RGL1: variants seen among roughly 807,000 people sequenced by gnomAD.
The protein encoded by RGL1 is ral guanine nucleotide dissociation stimulator-like 1.
In RGL1, 24 loss-of-function variants were observed where a neutral mutation model predicts 95.2. The observed-to-expected ratio is 0.25, with a 90% CI of 0.18 to 0.35. The LOEUF is 0.35. RGL1 is among the 10% of genes least tolerant of loss of function. The probability of loss-of-function intolerance (pLI) is 1.00; values close to 1 mark genes in which losing one functional copy is unlikely to be tolerated. For missense variants in RGL1, 715 were observed against 936.3 expected, an observed-to-expected ratio of 0.76 and a Z score of 3.08; for synonymous variants, 329 against 344.9, an observed-to-expected ratio of 0.95 and a Z score of 0.51.
At chr1:183,654,263 A>T (rs1650981757) in intron 1 of RGL1, among the ~76,000 whole-genome samples, 1 of 152,018 alleles carries the variant, frequency 6.6e-6, no homozygotes, top group Non-Finnish European at 1.5e-5. Context: ...TTTCAGTTTC[A>T]TCTTCCTTGG....
At chr1:183,921,603 A>C (rs1436825504) in intron 16 of RGL1, among the ~76,000 whole-genome samples, 1 of 152,236 alleles carries the variant, frequency 6.6e-6, no homozygotes, top group Non-Finnish European at 1.5e-5. Context: ...TTATGAATAT[A>C]CTACGATTTA....
rs147068207 is a variant in RGL1 at position 183,843,880 on chromosome 1, G to A, written c.139-3686G>A. Among the ~76,000 whole-genome samples, 873 of 152,152 alleles carry A rather than the reference G, an allele frequency of 5.7e-3. 24 individuals are homozygous for A. The highest frequency in any genetic ancestry group is 0.048 in the Admixed American group (726 of 15,284). ...CTCGCTCTGTTGCCCAGGCTGGAGTGCAGTGGCACAATCTCCAGCCCACTG... is the reference window on the plus strand; with the variant it reads ...CTCGCTCTGTTGCCCAGGCTGGAGTACAGTGGCACAATCTCCAGCCCACTG... On this transcript the variant is annotated intron_variant, in intron 2 of 17. Coordinates refer to ENST00000360851, the MANE Select transcript of RGL1 (RefSeq NM_001297671.3).
intron 1 of RGL1, among the ~76,000 whole-genome samples, chr1:183,678,639 G>A (rs1193106251): frequency 6.7e-6 from 1 of 148,466 alleles, no homozygotes; most frequent in African/African-American, 2.5e-5. Context: ...GTCTTCCTCT[G>A]TCGCCAGGCT....
chr1:183,712,915 A>C (rs1371740203), intron 1 of RGL1, among the ~76,000 whole-genome samples: 1 of 152,230 alleles, frequency 6.6e-6, no homozygotes, highest in African/African-American at 2.4e-5. Flanking sequence ...GAGCAAATCA[A>C]CTGTGAGGAG....
chr1:183,766,069 C>T (rs1658945141), intron 2 of RGL1, among the ~76,000 whole-genome samples: 1 of 151,282 alleles, frequency 6.6e-6, no homozygotes, highest in Non-Finnish European at 1.5e-5. Flanking sequence ...TACCCTAAAA[C>T]TTAAAGTATA....
chr1:183,659,091 A>C (rs1651414632), intron 1 of RGL1, among the ~76,000 whole-genome samples: 1 of 152,040 alleles, frequency 6.6e-6, no homozygotes, highest in Non-Finnish European at 1.5e-5. Context: ...AGTAGATAAA[A>C]CCACAAAGAT....
At chr1:183,647,811 T>C in intron 1 of RGL1, 1 of 1,614,118 alleles carries the variant, frequency 6.2e-7, no homozygotes, top group African/African-American at 1.3e-5. Context: ...GAATGACATT[T>C]GAGGCATATT....
At position 183,871,497 on chromosome 1, in the gene RGL1, C is replaced by T. The variant is rs561781055; in HGVS notation, c.425+5424C>T. ...ACCTGGGTGGAGGAGGGGATGGGGA[C>T]AGGGACTCACTATTGGATTTAACCA... On this transcript the variant is annotated intron_variant, in intron 4 of 17. Transcript: ENST00000360851. Among the ~76,000 whole-genome samples the T allele has an allele frequency of 2.0e-5, 3 of 152,288 alleles. No homozygotes were observed. In the South Asian group the frequency reaches 6.2e-4, roughly 32 times the overall value.
chr1:183,921,754 C>T (rs143162382), intron 16 of RGL1, among the ~76,000 whole-genome samples: 211 of 152,298 alleles, frequency 1.4e-3, no homozygotes, highest in African/African-American at 4.9e-3. Context: ...AGTGGGACTG[C>T]TGAATCACAG....
chr1:183,766,733 T>C (rs1404677414), intron 2 of RGL1, among the ~76,000 whole-genome samples: 1 of 151,892 alleles, frequency 6.6e-6, no homozygotes, highest in Non-Finnish European at 1.5e-5. Flanking sequence ...CTAATGATCC[T>C]ATAGATCATT....
chr1:183,646,792 C>T (rs961078242), intron 1 of RGL1: 1 of 152,168 alleles, frequency 6.6e-6, no homozygotes, highest in African/African-American at 2.4e-5. Flanking sequence ...TGCTGAGTTA[C>T]AATCATTGGT....
At chr1:183,815,404 C>T (rs530342816) in intron 2 of RGL1, among the ~76,000 whole-genome samples, 22 of 152,356 alleles carry the variant, frequency 1.4e-4, no homozygotes, top group Admixed American at 1.1e-3. Context: ...TTGCCACTTT[C>T]TGTCCAAAGG....
chr1:183,735,489 T>C (rs1656883699), intron 1 of RGL1, among the ~76,000 whole-genome samples: 1 of 152,180 alleles, frequency 6.6e-6, no homozygotes, highest in Admixed American at 6.6e-5. Flanking sequence ...CTAATCTTGC[T>C]CTTAAAGAGC....
chr1:183,702,950 A>T (rs4607832), intron 1 of RGL1, among the ~76,000 whole-genome samples: 1 of 152,076 alleles, frequency 6.6e-6, no homozygotes, highest in East Asian at 1.9e-4. Flanking sequence ...AACAGGAAGT[A>T]TCTCAGTCTG....
At chr1:183,748,394 CTTTTTTTTTTTTTT>C (rs56920504) in intron 2 of RGL1, among the ~76,000 whole-genome samples, 17 of 69,720 alleles carry the variant, frequency 2.4e-4, no homozygotes, top group Admixed American at 1.3e-3. Flanking sequence ...TTCTCTAGTT[CTTTTTTTTTTTTTT>C]TTTTTTTTTT....
At chr1:183,860,859 T>G (rs536479871) in intron 3 of RGL1, among the ~76,000 whole-genome samples, 1 of 152,254 alleles carries the variant, frequency 6.6e-6, no homozygotes, top group East Asian at 1.9e-4. Context: ...TACGTAGTCC[T>G]TAGTAAATAA....
chr1:183,814,014 A>G (rs1189145531), intron 2 of RGL1, among the ~76,000 whole-genome samples: 1 of 152,152 alleles, frequency 6.6e-6, no homozygotes, highest in East Asian at 1.9e-4. Context: ...TGATTTTGTC[A>G]TGTTTTGCTT....
intron 4 of RGL1, among the ~76,000 whole-genome samples, chr1:183,869,978 G>A (rs904751414): frequency 1.3e-5 from 2 of 152,162 alleles, no homozygotes; most frequent in Non-Finnish European, 2.9e-5. Flanking sequence ...TCAACTTGGT[G>A]GGGGGAGGCT....
chr1:183,925,053 C>T (rs907470346), intron 17 of RGL1, among the ~76,000 whole-genome samples: 1 of 152,166 alleles, frequency 6.6e-6, no homozygotes, highest in East Asian at 1.9e-4. Context: ...TTTCATATTA[C>T]ACTTGGAACA....
Sources: gnomAD v4.1 joint callset for allele counts (sites outside exome capture counted in the v4.1 genomes callset) on GRCh38, gnomAD v4.1.1 for gene constraint, MANE v1.5 for transcripts, NCBI Gene and HGNC (gene_info 2026-07-23, HGNC 2026-07-21) for gene names.